The following MRPS27 variants were observed in gnomAD, a reference collection of about 807,000 sequenced individuals.
MRPS27 encodes the protein small ribosomal subunit protein mS27.
MRPS27 carries 43 observed loss-of-function variants against 48.9 expected under a neutral mutation model. That is an observed-to-expected ratio of 0.88 (90% CI 0.69 to 1.13). MRPS27 has a LOEUF of 1.13. Ranked by LOEUF, MRPS27 falls within the 50% of genes most tolerant of loss-of-function variation. MRPS27 has a pLI of 0.00. For missense variants in MRPS27, 467 were observed against 476.3 expected, an observed-to-expected ratio of 0.98 and a Z score of 0.18; for synonymous variants, 188 against 171.9, an observed-to-expected ratio of 1.09 and a Z score of -0.73.
intron 1 of MRPS27, among the ~76,000 whole-genome samples, chr5:72,315,883 C>G (rs1026008300): frequency 6.6e-6 from 1 of 152,064 alleles, no homozygotes. Flanking sequence ...AGGTTTACAA[C>G]CAAGAAAAAT....
chr5:72,232,618 T>C (rs1748093492), intron 6 of MRPS27, 60 bp from the exon 7 acceptor site: 2 of 1,171,268 alleles, frequency 1.7e-6, no homozygotes, highest in Admixed American at 3.9e-5. Context: ...TTACTAAATC[T>C]CTATTTAACT....
chr5:72,220,822 C>G lies in MRPS27; in HGVS notation c.*87G>C. 2 of 1,545,278 alleles carry G rather than the reference C, an allele frequency of 1.3e-6. No individual in the cohort carries two copies. The highest frequency in any genetic ancestry group is 1.7e-6 in the Non-Finnish European group (2 of 1,144,502). On this transcript the variant is annotated 3_prime_UTR_variant, in exon 11 of 11. Transcript: ENST00000261413. ...AAGAAAAGAAGATGGGTAGAGGAAG[C>G]TGAGGCTGTTGTCCAGGCCACTGCT...
intron 4 of MRPS27, among the ~76,000 whole-genome samples, chr5:72,240,192 G>A (rs1748311164): frequency 6.6e-6 from 1 of 152,016 alleles, no homozygotes; most frequent in South Asian, 2.1e-4. Flanking sequence ...GTTATGTCCC[G>A]ATCATTCTGT....
intron 5 of MRPS27, among the ~76,000 whole-genome samples, chr5:72,235,003 G>A (rs906150800): frequency 6.6e-6 from 1 of 152,076 alleles, no homozygotes; most frequent in Non-Finnish European, 1.5e-5. Flanking sequence ...AAACACCTGA[G>A]GAATTTTTCC....
chr5:72,284,868 T>G (rs1417952192), intron 4 of MRPS27, among the ~76,000 whole-genome samples: 2 of 152,348 alleles, frequency 1.3e-5, no homozygotes, highest in African/African-American at 4.8e-5. Flanking sequence ...AGTATTCCAC[T>G]GTACAGCTGT....
intron 4 of MRPS27, among the ~76,000 whole-genome samples, chr5:72,240,041 TCATCAG>T (rs2111964346): frequency 2.0e-5 from 3 of 152,316 alleles, no homozygotes; most frequent in African/African-American, 7.2e-5. Context: ...TGATGCTTCC[TCATCAG>T]CCTGTAAGTT....
chr5:72,232,019 C>G (rs1305897560), intron 7 of MRPS27, among the ~76,000 whole-genome samples: 1 of 152,152 alleles, frequency 6.6e-6, no homozygotes, highest in African/African-American at 2.4e-5. Flanking sequence ...GAAACCAAAA[C>G]TTGATATTCT....
Position 72,249,136 on chromosome 5 carries a change from G to A in MRPS27, c.282-11008C>T, listed in dbSNP as rs574429510. On this transcript the variant is annotated intron_variant, in intron 4 of 10. Coordinates refer to ENST00000261413, the MANE Select transcript of MRPS27 (RefSeq NM_015084.3). ...TCAATAATCTTAGGCAAAAAAGTAA[G>A]AAAGCTGGGATTTTTTAAGCATGAA... Among the ~76,000 whole-genome samples, 24 of 152,326 alleles carry A rather than the reference G, an allele frequency of 1.6e-4. No homozygotes were observed. In the South Asian group the frequency reaches 4.8e-3, roughly 30 times the overall value.
chr5:72,262,387 T>G (rs907819835), intron 4 of MRPS27, among the ~76,000 whole-genome samples: 4 of 151,028 alleles, frequency 2.6e-5, no homozygotes, highest in Non-Finnish European at 5.9e-5. Flanking sequence ...AGCATCCCCT[T>G]CCCCAGAAAA....
At chr5:72,233,751 G>GA (rs961793665) in intron 6 of MRPS27, among the ~76,000 whole-genome samples, 8 of 148,160 alleles carry the variant, frequency 5.4e-5, no homozygotes, top group South Asian at 2.1e-4. Context: ...AAATTCAGTT[G>GA]AAAAAAAAAA....
In MRPS27 at chr5:72,226,217, A is replaced by G. The variant is rs201796139; in HGVS notation, c.695-18T>C. 8.1e-6 allele frequency: 13 copies of G among 1,613,006 alleles called. No individual in the cohort carries two copies. In the African/African-American group the frequency reaches 1.5e-4, roughly 18 times the overall value. ...CACCTTCCCTGTGGCCAAAAAGAAC[A>G]ATAAAGAATGCTCAGCCATGTCTTC... On this transcript the variant is annotated intron_variant, in intron 8 of 10. Transcript: ENST00000261413.
At chr5:72,264,240 G>A (rs1036351343) in intron 4 of MRPS27, among the ~76,000 whole-genome samples, 3 of 152,168 alleles carry the variant, frequency 2.0e-5, no homozygotes, top group Non-Finnish European at 4.4e-5. Context: ...GGAGAAGCAG[G>A]TAATGAAGAA....
At chr5:72,267,995 G>T (rs28611052) in intron 4 of MRPS27, among the ~76,000 whole-genome samples, 39,830 of 151,946 alleles carry the variant, frequency 0.26, 5,386 homozygotes, top group East Asian at 0.42. Context: ...AATACAGAGA[G>T]AAGAATGATT....
chr5:72,270,193 CAATAATAAT>C (rs66874536), intron 4 of MRPS27, among the ~76,000 whole-genome samples: 2,669 of 140,266 alleles, frequency 0.019, 71 homozygotes, highest in African/African-American at 0.057. Context: ...AACTCCATCT[CAATAATAAT>C]AATAATAATA....
intron 4 of MRPS27, among the ~76,000 whole-genome samples, chr5:72,281,988 T>C (rs1182364192): frequency 6.6e-6 from 1 of 152,146 alleles, no homozygotes; most frequent in Non-Finnish European, 1.5e-5. Flanking sequence ...AGTCCCAGCT[T>C]TGCCTATTAC....
Position 72,223,723 on chromosome 5 carries a change from G to A in MRPS27, c.965C>T (p.Thr322Ile). 2 of 1,614,022 alleles carry A rather than the reference G, an allele frequency of 1.2e-6. No individual in the cohort carries two copies. The highest frequency in any genetic ancestry group is 1.1e-5 in the South Asian group (1 of 91,072). ...GTATTGAGGAAGCTTGGACTGCTCT[G>A]TTTCCTCGATGTCTAACTGCTCCAC... ...KLVEQLDIEE[T>I]EQSKLPQYLE... Residue 322 changes from threonine to isoleucine, a missense_variant, in exon 10 of 11, where the codon ACA becomes ATA. Physicochemically the swap from Thr to Ile is moderately conservative, Grantham distance 89. Transcript: ENST00000261413.
intron 2 of MRPS27, among the ~76,000 whole-genome samples, chr5:72,307,673 TAA>T (rs58455541): frequency 2.0e-5 from 3 of 146,446 alleles, no homozygotes; most frequent in Admixed American, 6.8e-5. Flanking sequence ...GTTAAAACAC[TAA>T]AAAAAAAAAA....
At chr5:72,274,368 A>G (rs919997750) in intron 4 of MRPS27, among the ~76,000 whole-genome samples, 3 of 152,168 alleles carry the variant, frequency 2.0e-5, no homozygotes, top group African/African-American at 4.8e-5. Context: ...AACAAAAACA[A>G]TAACTAAAAA....
chr5:72,229,574 A>AT (rs35328139), intron 7 of MRPS27: 27,474 of 152,116 alleles, frequency 0.18, 2,615 homozygotes, highest in East Asian at 0.34. Flanking sequence ...CCTTACAAAC[A>AT]TTTTTCCCCC....
Sources: gnomAD v4.1 joint callset for allele counts (sites outside exome capture counted in the v4.1 genomes callset) on GRCh38, gnomAD v4.1.1 for gene constraint, MANE v1.5 for transcripts, NCBI Gene and HGNC (gene_info 2026-07-23, HGNC 2026-07-21) for gene names.